Variants in UTP20 observed in about 807,000 individuals in gnomAD.
UTP20 encodes small subunit processome component 20 homolog.
A neutral mutation model predicts 329.5 loss-of-function variants in UTP20; 164 were observed. That is an observed-to-expected ratio of 0.50 (90% CI 0.44 to 0.57). The LOEUF (loss-of-function observed/expected upper bound fraction) is 0.57, where lower values mean the gene tolerates loss of function less well. Among genes scored for constraint, UTP20 ranks in the 20% least tolerant of loss-of-function variants. The pLI is 0.00. For synonymous variants in UTP20, 1,151 were observed against 1,159.3 expected (o/e 0.99, Z 0.14); for missense variants, 3,055 against 3,284.2 (o/e 0.93, Z 1.71).
intron 19 of UTP20, among the ~76,000 whole-genome samples, chr12:101,310,804 G>A (rs1014556083): frequency 6.6e-6 from 1 of 152,042 alleles, no homozygotes; most frequent in Non-Finnish European, 1.5e-5. Context: ...AAACTAATTT[G>A]TCTACCTTTA....
chr12:101,385,633 C>A lies in UTP20; in HGVS notation c.8107C>A (p.Leu2703Met). The A allele has an allele frequency of 6.2e-7, 1 of 1,613,890 alleles. No individual in the cohort carries two copies. Among genetic ancestry groups the A allele is most frequent in the Admixed American group, 1.7e-5 (1 of 59,914 alleles). ...SQEIIELLKK[L>M]VGLESFSLAF... ...GGAAATCATAGAATTACTCAAAAAG[C>A]TGGTTGGGCTTGAGAGCTTCTCATT... Residue 2703 changes from leucine to methionine, a missense_variant, in exon 61 of 62, where the codon CTG becomes ATG. Physicochemically the swap from Leu to Met is conservative, Grantham distance 15. Around this residue, in one of 3 missense-constraint regions of UTP20, gnomAD observed 337 missense variants for 345.5 expected, o/e 0.98. Transcript: ENST00000261637.
intron 57 of UTP20, among the ~76,000 whole-genome samples, chr12:101,380,295 C>T (rs564330581): frequency 6.6e-6 from 1 of 152,124 alleles, no homozygotes; most frequent in Admixed American, 6.5e-5. Flanking sequence ...GGGGGATCAC[C>T]TGAGCCTGGG....
At chr12:101,356,839 A>G in intron 42 of UTP20, 87 bp from the exon 43 acceptor site, 6 of 1,486,854 alleles carry the variant, frequency 4.0e-6, no homozygotes, top group Non-Finnish European at 5.4e-6. Context: ...AATTTGAGTT[A>G]CGAGTAATTA....
At chr12:101,305,127 C>T (rs1029951948) in intron 15 of UTP20, among the ~76,000 whole-genome samples, 2 of 151,912 alleles carry the variant, frequency 1.3e-5, no homozygotes, top group Non-Finnish European at 1.5e-5. Flanking sequence ...AGCCTTTTTC[C>T]CCTGGTTTTC....
chr12:101,374,504 C>G (rs1250175596), intron 54 of UTP20, among the ~76,000 whole-genome samples: 2 of 152,102 alleles, frequency 1.3e-5, no homozygotes, highest in African/African-American at 4.8e-5. Flanking sequence ...TGCATACCCA[C>G]TTAATGTGGG....
chr12:101,349,174 TG>T (rs889447358), intron 38 of UTP20, among the ~76,000 whole-genome samples: 4 of 152,086 alleles, frequency 2.6e-5, no homozygotes, highest in Non-Finnish European at 2.9e-5. Flanking sequence ...TGTTTTGTTT[TG>T]TTTTTTTGTT....
At position 101,311,710 on chromosome 12, in the gene UTP20, T is replaced by C; in HGVS notation, c.2232-9T>C. 1 of 1,598,838 alleles carries C rather than the reference T, an allele frequency of 6.3e-7. No individual in the cohort carries two copies. The highest frequency in any genetic ancestry group is 1.2e-5 in the South Asian group (1 of 86,768). ...CACTTTTTATTTTGTGATTTTTTTT[T>C]TCCCTTAGTTCTCATGCACACGAAA... is the stretch of plus-strand genomic sequence containing the variant. On this transcript the variant is annotated splice_polypyrimidine_tract_variant and intron_variant, in intron 19 of 61. Transcript: ENST00000261637.
intron 25 of UTP20, among the ~76,000 whole-genome samples, chr12:101,324,510 TC>T (rs916698823): frequency 3.1e-4 from 47 of 152,168 alleles, no homozygotes; most frequent in African/African-American, 9.9e-4. Flanking sequence ...GCTCAGGCTG[TC>T]CCCCCACCTT....
At chr12:101,317,718 A>C in intron 22 of UTP20, 55 bp downstream of exon 22, 2 of 1,520,350 alleles carry the variant, frequency 1.3e-6, no homozygotes, top group Non-Finnish European at 1.8e-6. Flanking sequence ...AGGAACAGGA[A>C]GAGGTCTCTT....
At position 101,366,712 on chromosome 12, in the gene UTP20, C is replaced by T. The variant is rs1870106824; in HGVS notation, c.6267+13C>T. The T allele has an allele frequency of 1.2e-6, 2 of 1,609,612 alleles. No individual in the cohort carries two copies. The highest frequency in any genetic ancestry group is 1.7e-5 in the Admixed American group (1 of 59,536). On this transcript the variant is annotated intron_variant, in intron 47 of 61. Transcript: ENST00000261637. ...GTCCGGGCTTCGGGTAAGAATTAAC[C>T]TTAAAATGAGACTTGCTACTTTCAG...
chr12:101,350,485 T>C (rs938203634), intron 38 of UTP20, among the ~76,000 whole-genome samples: 5 of 152,196 alleles, frequency 3.3e-5, no homozygotes, highest in Admixed American at 2.0e-4. Flanking sequence ...CCAGACATTA[T>C]GAATTTTACC....
In UTP20 at chr12:101,338,967, A is replaced by G; in HGVS notation, c.4013+10A>G. 6.4e-7 allele frequency: 1 copy of G among 1,574,378 alleles called. No individual in the cohort carries two copies. Among genetic ancestry groups the G allele is most frequent in the African/African-American group, 1.4e-5 (1 of 72,488 alleles). On this transcript the variant is annotated intron_variant, in intron 31 of 61. Transcript: ENST00000261637. ...TTGGCATTCTTTCAAAGTAAGTGAT[A>G]TGTTGATACTTAAAAGATAACATTA...
In UTP20 at chr12:101,317,665, T is replaced by C; in HGVS notation, c.2738+2T>C. On this transcript the variant is annotated splice_donor_variant, in intron 22 of 61. Coordinates refer to ENST00000261637, the MANE Select transcript of UTP20 (RefSeq NM_014503.3). LOFTEE classifies it high-confidence loss of function. ...AAAGACGAGGAGAGCTGCAGCAAAG[T>C]AAGTTCACCATTGCTGAAAGATCAC... 6.2e-7 allele frequency: 1 copy of C among 1,603,732 alleles called. No homozygotes were observed. The highest frequency in any genetic ancestry group is 2.2e-5 in the East Asian group (1 of 44,636).
chr12:101,299,556 A>C (rs1323193156), intron 12 of UTP20, 126 bp from the exon 13 acceptor site: 2 of 868,244 alleles, frequency 2.3e-6, no homozygotes, highest in Non-Finnish European at 3.3e-6. Flanking sequence ...TGTTTAGCTC[A>C]ACCACCACCA....
intron 4 of UTP20, 101 bp downstream of exon 4, chr12:101,285,982 T>G: frequency 6.8e-7 from 1 of 1,472,808 alleles, no homozygotes; most frequent in Non-Finnish European, 9.1e-7. Context: ...GTGCTCATAA[T>G]TTAGAAACAA....
intron 15 of UTP20, among the ~76,000 whole-genome samples, chr12:101,304,067 G>A (rs1229748785): frequency 6.6e-6 from 1 of 152,226 alleles, no homozygotes; most frequent in Non-Finnish European, 1.5e-5. Flanking sequence ...TCCCCTTGGG[G>A]AAGGCCAGCT....
At chr12:101,282,907 C>T (rs1871846704) in intron 2 of UTP20, among the ~76,000 whole-genome samples, 1 of 152,088 alleles carries the variant, frequency 6.6e-6, no homozygotes, top group Non-Finnish European at 1.5e-5. Flanking sequence ...GACTTGTGAC[C>T]TACTGGGTTT....
chr12:101,317,285 C>T (rs1365510892), intron 21 of UTP20, among the ~76,000 whole-genome samples, 193 bp from the exon 22 acceptor site: 4 of 152,150 alleles, frequency 2.6e-5, no homozygotes, highest in Non-Finnish European at 4.4e-5. Context: ...GTTAGTGAAT[C>T]GCTTGTCAAA....
chr12:101,317,200 T>C (rs1276804249), intron 21 of UTP20, among the ~76,000 whole-genome samples: 2 of 152,230 alleles, frequency 1.3e-5, no homozygotes, highest in African/African-American at 4.8e-5. Context: ...ACAGGGAGGC[T>C]GATTTCCACT....
Sources: gnomAD v4.1 joint callset for allele counts (sites outside exome capture counted in the v4.1 genomes callset) on GRCh38, gnomAD v4.1.1 for gene constraint, gnomAD v4.1.1 regional missense constraint, MANE v1.5 for transcripts, NCBI Gene and HGNC (gene_info 2026-07-23, HGNC 2026-07-21) for gene names.